LRRC49: variants seen among roughly 807,000 people sequenced by gnomAD.
LRRC49 encodes the protein leucine-rich repeat-containing protein 49.
Under a neutral mutation model 83.3 loss-of-function variants are expected in LRRC49, and 50 were observed. The observed-to-expected ratio is 0.60, with a 90% confidence interval of 0.48 to 0.76. The LOEUF (loss-of-function observed/expected upper bound fraction) is 0.76, where lower values mean the gene tolerates loss of function less well. LRRC49 is among the 30% of genes least tolerant of loss of function. The probability of loss-of-function intolerance (pLI) is 0.00; values close to 1 mark genes in which losing one functional copy is unlikely to be tolerated. For missense variants in LRRC49, 704 were observed against 809.1 expected, an observed-to-expected ratio of 0.87 and a Z score of 1.58; for synonymous variants, 286 against 283.3, an observed-to-expected ratio of 1.01 and a Z score of -0.10.
At chr15:71,020,837 G>C (rs1227175892) in intron 14 of LRRC49, among the ~76,000 whole-genome samples, 3 of 152,168 alleles carry the variant, frequency 2.0e-5, no homozygotes. Flanking sequence ...TTATAATTAA[G>C]GCAGGACAGT....
Position 71,009,871 on chromosome 15 carries a change from G to A in LRRC49, c.1472G>A (p.Arg491His), listed in dbSNP as rs750852725. The stretch of plus-strand genomic sequence containing the variant: ...CAATTTAACGCACTAGCCCAACTCC[G>A]TCGTATTGACCAGTTGACAATTGAT... ...LQQFNALAQL[R>H]RIDQLTIDPQ... The change falls in exon 13 of 16, where the codon CGT (arginine) becomes CAT (histidine). Residue 491 changes from arginine (R) to histidine (H), a missense_variant. Transcript: ENST00000260382. The A allele has an allele frequency of 9.3e-6, 15 of 1,612,296 alleles. No individual in the cohort carries two copies. The highest frequency in any genetic ancestry group is 4.0e-5 in the African/African-American group (3 of 74,824).
intron 14 of LRRC49, among the ~76,000 whole-genome samples, chr15:71,025,269 A>C (rs140247154): frequency 6.6e-6 from 1 of 152,318 alleles, no homozygotes; most frequent in East Asian, 1.9e-4. Context: ...GATTGAAATG[A>C]AGGAAAAAAT....
At chr15:70,892,619 A>G (rs1244104129), upstream of LRRC49, 2 of 1,451,384 alleles carry the variant, frequency 1.4e-6, no homozygotes, top group East Asian at 5.1e-5. Context: ...CCTCTTCCCC[A>G]GCTTATCCTC....
Position 70,993,474 on chromosome 15 carries a change from G to A in LRRC49, c.1169+9217G>A, listed in dbSNP as rs192512562. Among the ~76,000 whole-genome samples, 304 of 152,272 alleles carry A rather than the reference G, an allele frequency of 2.0e-3. 2 individuals are homozygous for A. Among genetic ancestry groups the A allele is most frequent in the African/African-American group, 6.3e-3 (261 of 41,578 alleles). ...GAAATCACCTGTCTTCTGCACTCAC[G>A]CTGGGAGCTGTAGACTGGAGCTGTT... On this transcript the variant is annotated intron_variant, in intron 11 of 15. Coordinates refer to ENST00000260382, the MANE Select transcript of LRRC49 (RefSeq NM_017691.5).
In LRRC49 at chr15:70,982,272, A is replaced by C. The variant is rs190340509; in HGVS notation, c.1006-1822A>C. Among the ~76,000 whole-genome samples, 1,101 of 152,278 alleles carry C rather than the reference A, an allele frequency of 7.2e-3. 20 individuals are homozygous for C. The highest frequency in any genetic ancestry group is 0.024 in the African/African-American group (1,007 of 41,558). ...GCCAGCCAGAAATCCAAAAGCATGAAGCCAACTGAGAACCATCAGCCATTA... is the reference window on the plus strand; with the variant it reads ...GCCAGCCAGAAATCCAAAAGCATGACGCCAACTGAGAACCATCAGCCATTA... On this transcript the variant is annotated intron_variant, in intron 10 of 15. Transcript: ENST00000260382.
intron 8 of LRRC49, among the ~76,000 whole-genome samples, chr15:70,937,124 A>T (rs1360690296): frequency 6.6e-6 from 1 of 152,224 alleles, no homozygotes; most frequent in Non-Finnish European, 1.5e-5. Flanking sequence ...TTTGTTTGAC[A>T]TTCACGGCAC....
intron 11 of LRRC49, among the ~76,000 whole-genome samples, chr15:70,988,486 T>G (rs2141234624): frequency 6.6e-6 from 1 of 152,288 alleles, no homozygotes; most frequent in African/African-American, 2.4e-5. Context: ...TTCTATTTGC[T>G]TGGTAGATCT....
chr15:70,863,214 G>A lies in LRRC49; in HGVS notation c.-298-9694G>A, dbSNP rs79437817. ...GGAACTTATTTAAATGTATAGTCCTGCATCTTCACTCCAGATCAAATGAGT... is the reference window on the plus strand; with the variant it reads ...GGAACTTATTTAAATGTATAGTCCTACATCTTCACTCCAGATCAAATGAGT... On this transcript the variant is annotated intron_variant, in intron 1 of 16. Transcript: ENST00000544974. Among the ~76,000 whole-genome samples, 1,019 of 152,274 alleles carry A rather than the reference G, an allele frequency of 6.7e-3. 21 individuals are homozygous for A. Among genetic ancestry groups the A allele is most frequent in the African/African-American group, 0.024 (991 of 41,556 alleles).
At chr15:70,892,580 G>C (rs965960257), upstream of LRRC49, 8 of 1,480,972 alleles carry the variant, frequency 5.4e-6, no homozygotes, top group Admixed American at 1.5e-4. Flanking sequence ...ACCGGAAGTG[G>C]TGGTGGTTAT....
chr15:70,912,232 G>A (rs2034578926), intron 6 of LRRC49, among the ~76,000 whole-genome samples: 1 of 151,844 alleles, frequency 6.6e-6, no homozygotes, highest in Non-Finnish European at 1.5e-5. Context: ...ATAGACATTT[G>A]GATTGTTTCC....
intron 8 of LRRC49, among the ~76,000 whole-genome samples, chr15:70,958,869 CAT>C (rs2036494667): frequency 6.6e-6 from 1 of 152,054 alleles, no homozygotes; most frequent in Admixed American, 6.6e-5. Flanking sequence ...GTGAGGAAAA[CAT>C]AGAAGAAATA....
In LRRC49 at chr15:71,012,654, T is replaced by C. The variant is rs1049323523; in HGVS notation, c.1594-150T>C. On this transcript the variant is annotated intron_variant, in intron 13 of 15. Transcript: ENST00000260382. ...TTAACTCAAGAAAGAAAAATATCAA[T>C]GAAAACTCTTCTTTCCACAGCACAG... The C allele has an allele frequency of 2.3e-5, 12 of 512,148 alleles. No homozygotes were observed. In the South Asian group the frequency reaches 3.7e-4, roughly 16 times the overall value. 31.7% of individuals were successfully genotyped at this position (512,148 alleles called of 1,614,324 possible). A position where few individuals can be genotyped will look rare whatever the true frequency, so the allele number is the denominator to read the frequency against.
chr15:70,871,225 C>A (rs891297106), intron 1 of LRRC49, among the ~76,000 whole-genome samples: 1 of 151,952 alleles, frequency 6.6e-6, no homozygotes, highest in African/African-American at 2.4e-5. Flanking sequence ...ATCCATTTAA[C>A]CCTGAGTGGA....
chr15:70,972,492 G>A (rs1466641792), intron 9 of LRRC49, among the ~76,000 whole-genome samples: 1 of 152,160 alleles, frequency 6.6e-6, no homozygotes, highest in African/African-American at 2.4e-5. Flanking sequence ...GAGTATCTTT[G>A]TGGTGTTCTC....
upstream of LRRC49, among the ~76,000 whole-genome samples, chr15:70,890,146 GCTTTT>G (rs2033514278): frequency 6.6e-6 from 1 of 152,110 alleles, no homozygotes; most frequent in South Asian, 2.1e-4. Context: ...GACTAGCTTG[GCTTTT>G]CTTCTCCCAA....
chr15:71,007,515 A>G (rs1484604322), intron 11 of LRRC49, among the ~76,000 whole-genome samples: 1 of 151,850 alleles, frequency 6.6e-6, no homozygotes, highest in Non-Finnish European at 1.5e-5. Flanking sequence ...ATGCAGAAAC[A>G]AAAACCATGC....
chr15:70,872,883 C>CTTTTT (rs781035902), intron 1 of LRRC49: 3 of 166,144 alleles, frequency 1.8e-5, no homozygotes, highest in African/African-American at 2.7e-5. Context: ...CTTGACATAA[C>CTTTTT]TTTTTTTTTT....
intron 15 of LRRC49, among the ~76,000 whole-genome samples, chr15:71,039,006 A>G (rs983883671): frequency 1.3e-5 from 2 of 152,194 alleles, no homozygotes; most frequent in Non-Finnish European, 2.9e-5. Context: ...CAATCAGTTT[A>G]TCAAGAGCAT....
chr15:70,888,328 G>A (rs544818513), upstream of LRRC49, among the ~76,000 whole-genome samples: 1 of 152,170 alleles, frequency 6.6e-6, no homozygotes, highest in Non-Finnish European at 1.5e-5. Flanking sequence ...AAACAGATAA[G>A]TGAAACAGAA....
Sources: allele counts gnomAD v4.1 joint callset (sites outside exome capture counted in the v4.1 genomes callset), GRCh38; gene constraint gnomAD v4.1.1; transcripts MANE v1.5; gene names NCBI Gene and HGNC (gene_info 2026-07-23, HGNC 2026-07-21).